The following REEP1 variants were observed in gnomAD, a reference collection of about 807,000 sequenced individuals.
The protein encoded by REEP1 is receptor accessory protein 1, also known as receptor expression-enhancing protein 1.
REEP1 carries 22 observed loss-of-function variants against 40.3 expected under a neutral mutation model. That is an observed-to-expected ratio of 0.55 (90% CI 0.39 to 0.78). The LOEUF is 0.78. Ranked by LOEUF, REEP1 falls within the 30% of genes least tolerant of loss-of-function variation. The pLI is 0.00. For synonymous variants in REEP1, 116 were observed against 139.2 expected (o/e 0.83, Z 1.17); for missense variants, 280 against 361.1 (o/e 0.78, Z 1.82).
Position 86,319,680 on chromosome 2 carries a change from G to A in REEP1, c.32+17799C>T, listed in dbSNP as rs1680194984. Among the ~76,000 whole-genome samples the A allele has an allele frequency of 2.0e-5, 3 of 152,032 alleles. No individual in the cohort carries two copies. The South Asian group carries it at 6.2e-4, about 32-fold the overall frequency. On this transcript the variant is annotated intron_variant, in intron 1 of 8. Coordinates refer to ENST00000538924, the MANE Select transcript of REEP1 (RefSeq NM_001371279.1). ...ACTGCACTCCAGCCTGGGCGACAGAGTGAGACTCTGCCAAAGAAGAAAAGA... is the reference window on the plus strand; with the variant it reads ...ACTGCACTCCAGCCTGGGCGACAGAATGAGACTCTGCCAAAGAAGAAAAGA...
chr2:86,224,790 A>G (rs563105957), intron 7 of REEP1, among the ~76,000 whole-genome samples: 1 of 152,316 alleles, frequency 6.6e-6, no homozygotes, highest in African/African-American at 2.4e-5. Context: ...CAGTTCCTAC[A>G]ATCAACCACA....
chr2:86,215,889 C>CCAGG lies in REEP1; in HGVS notation c.*1149_*1150insCCTG, dbSNP rs1010346109. 1.4e-4 allele frequency: 22 copies of CCAGG among 152,282 alleles called. No individual in the cohort carries two copies. The highest frequency in any genetic ancestry group is 5.1e-4 in the African/African-American group (21 of 41,536). The allele number at this position is 152,282 out of a possible 1,614,324, so 9.4% of individuals were successfully genotyped here. A position where few individuals can be genotyped will look rare whatever the true frequency, so the allele number is the denominator to read the frequency against. On this transcript the variant is annotated 3_prime_UTR_variant, in exon 9 of 9. Transcript: ENST00000538924. The stretch of plus-strand genomic sequence containing the variant: ...AGCCACAGGTGCTCCTGGGTCTGAC[C>CCAGG]AGCAAGTCTAACCCATGAAGATCTC...
chr2:86,321,739 T>C (rs1179369426), intron 1 of REEP1, among the ~76,000 whole-genome samples: 1 of 152,196 alleles, frequency 6.6e-6, no homozygotes, highest in East Asian at 1.9e-4. Context: ...AGATAAAATA[T>C]AATATCATTC....
At chr2:86,232,004 A>C (rs948214710) in intron 6 of REEP1, among the ~76,000 whole-genome samples, 1 of 152,150 alleles carries the variant, frequency 6.6e-6, no homozygotes, top group African/African-American at 2.4e-5. Flanking sequence ...GGCGTGTGAC[A>C]CCAGAGTCAG....
chr2:86,266,034 A>G (rs1487443937), intron 2 of REEP1, among the ~76,000 whole-genome samples: 2 of 152,246 alleles, frequency 1.3e-5, no homozygotes, highest in Non-Finnish European at 2.9e-5. Context: ...ACGTGAGGGA[A>G]TAGGAAAATA....
intron 1 of REEP1, among the ~76,000 whole-genome samples, chr2:86,311,582 A>G (rs986113906): frequency 1.3e-5 from 2 of 152,012 alleles, no homozygotes; most frequent in Non-Finnish European, 2.9e-5. Context: ...ATCTGGCTCA[A>G]TTGTCACACA....
intron 6 of REEP1, among the ~76,000 whole-genome samples, chr2:86,231,172 T>TG (rs35196774): frequency 1.3e-5 from 2 of 152,220 alleles, no homozygotes; most frequent in African/African-American, 4.8e-5. Context: ...GTAAAATCAC[T>TG]GGGTTTGACT....
At chr2:86,320,550 T>C (rs1238159938) in intron 1 of REEP1, among the ~76,000 whole-genome samples, 1 of 152,230 alleles carries the variant, frequency 6.6e-6, no homozygotes, top group African/African-American at 2.4e-5. Context: ...AAAAATAGTT[T>C]AGATGCTAGA....
intron 2 of REEP1, among the ~76,000 whole-genome samples, chr2:86,265,513 A>C (rs1411572177): frequency 6.6e-6 from 1 of 152,216 alleles, no homozygotes; most frequent in East Asian, 1.9e-4. Flanking sequence ...GGCAAAAAAA[A>C]ATCTACAACC....
chr2:86,218,162 G>C (rs1032640881), intron 8 of REEP1, among the ~76,000 whole-genome samples: 1 of 152,040 alleles, frequency 6.6e-6, no homozygotes, highest in Non-Finnish European at 1.5e-5. Context: ...TTCTGCAAAG[G>C]TTTCCCGGAG....
At chr2:86,263,409 A>T (rs1366375347) in intron 3 of REEP1, among the ~76,000 whole-genome samples, 1 of 150,236 alleles carries the variant, frequency 6.7e-6, no homozygotes, top group Non-Finnish European at 1.5e-5. Flanking sequence ...ATTTTTTTGT[A>T]TTTTTTTTTA....
At chr2:86,232,561 G>A in intron 6 of REEP1, 64 bp downstream of exon 6, 1 of 1,573,234 alleles carries the variant, frequency 6.4e-7, no homozygotes, top group Non-Finnish European at 8.7e-7. Context: ...ACTGCGGACT[G>A]GGCCTCTCTC....
At chr2:86,260,816 G>A (rs1676817222) in intron 3 of REEP1, among the ~76,000 whole-genome samples, 1 of 152,178 alleles carries the variant, frequency 6.6e-6, no homozygotes, top group South Asian at 2.1e-4. Flanking sequence ...CTGGTCTTGT[G>A]AGATTCTAAG....
At chr2:86,313,424 C>T (rs1434250284) in intron 1 of REEP1, among the ~76,000 whole-genome samples, 1 of 152,006 alleles carries the variant, frequency 6.6e-6, no homozygotes, top group Non-Finnish European at 1.5e-5. Flanking sequence ...TTCTCCTCTC[C>T]CAGCTTCTCT....
At chr2:86,249,744 G>A (rs1202732620) in intron 5 of REEP1, among the ~76,000 whole-genome samples, 1 of 152,116 alleles carries the variant, frequency 6.6e-6, no homozygotes, top group African/African-American at 2.4e-5. Flanking sequence ...GGAAACCACT[G>A]ATGTACACCT....
chr2:86,267,480 T>C (rs758451317), intron 2 of REEP1, among the ~76,000 whole-genome samples: 2 of 152,180 alleles, frequency 1.3e-5, no homozygotes, highest in East Asian at 1.9e-4. Flanking sequence ...AAGTTCTTTA[T>C]AGCAGTGTGA....
intron 1 of REEP1, among the ~76,000 whole-genome samples, chr2:86,293,357 G>C (rs1399474586): frequency 1.3e-5 from 2 of 152,208 alleles, no homozygotes; most frequent in Non-Finnish European, 2.9e-5. Flanking sequence ...GCTAAGTATG[G>C]AAGGAAAGAC....
intron 2 of REEP1, among the ~76,000 whole-genome samples, chr2:86,271,127 G>A (rs905218781): frequency 6.6e-6 from 1 of 152,104 alleles, no homozygotes; most frequent in African/African-American, 2.4e-5. Flanking sequence ...GGGAGGCAAA[G>A]GTTACAGTGA....
intron 1 of REEP1, among the ~76,000 whole-genome samples, chr2:86,299,395 A>G (rs570692919): frequency 6.6e-6 from 1 of 152,248 alleles, no homozygotes; most frequent in East Asian, 1.9e-4. Context: ...AACCAAAAAC[A>G]TCTCCAGACA....
Sources: gnomAD v4.1 joint callset for allele counts (sites outside exome capture counted in the v4.1 genomes callset) on GRCh38, gnomAD v4.1.1 for gene constraint, MANE v1.5 for transcripts, NCBI Gene and HGNC (gene_info 2026-07-23, HGNC 2026-07-21) for gene names.